Variants in FER1L6 observed in about 807,000 individuals in gnomAD.
FER1L6 encodes fer-1-like protein 6.
FER1L6 carries 177 observed loss-of-function variants against 219.2 expected under a neutral mutation model. The observed-to-expected ratio is 0.81, with a 90% CI of 0.71 to 0.91. The LOEUF is 0.91. Ranked by LOEUF, FER1L6 falls within the 40% of genes least tolerant of loss-of-function variation. The probability of loss-of-function intolerance (pLI) is 0.00; values close to 1 mark genes in which losing one functional copy is unlikely to be tolerated. For synonymous variants in FER1L6, 768 were observed against 824.3 expected (o/e 0.93, Z 1.17); for missense variants, 2,153 against 2,259.9 (o/e 0.95, Z 0.96).
At position 124,064,409 on chromosome 8, in the gene FER1L6, CCAG is replaced by C; in HGVS notation, c.3395_3397del (p.Ala1132del). On this transcript the variant is annotated inframe_deletion, in exon 26 of 41. Coordinates refer to ENST00000522917, the MANE Select transcript of FER1L6 (RefSeq NM_001039112.2). ...AGCCCACAGCTCCTCCCAGGATCCC[CCAG>C]CAGATCACATTTATGTGGATGTTGA... The C allele has an allele frequency of 1.2e-6, 2 of 1,613,674 alleles. No individual in the cohort carries two copies. Among genetic ancestry groups the C allele is most frequent in the South Asian group, 2.2e-5 (2 of 90,960 alleles).
At chr8:124,093,175 C>T (rs1171684810) in intron 34 of FER1L6, among the ~76,000 whole-genome samples, 1 of 151,992 alleles carries the variant, frequency 6.6e-6, no homozygotes, top group Non-Finnish European at 1.5e-5. Flanking sequence ...ATCACGAGAA[C>T]AGCACTAGGG....
At chr8:124,044,446 T>C (rs1819634633) in intron 20 of FER1L6, among the ~76,000 whole-genome samples, 1 of 152,200 alleles carries the variant, frequency 6.6e-6, no homozygotes, top group Non-Finnish European at 1.5e-5. Context: ...AATAAAAATA[T>C]TCCTTTGTGA....
At chr8:123,992,427 T>C (rs977001279) in intron 12 of FER1L6, among the ~76,000 whole-genome samples, 2 of 152,202 alleles carry the variant, frequency 1.3e-5, no homozygotes, top group Non-Finnish European at 2.9e-5. Flanking sequence ...CCTTTCTTAA[T>C]CTAGGAATGT....
chr8:123,975,525 A>G (rs921754351), intron 8 of FER1L6, among the ~76,000 whole-genome samples: 4 of 152,138 alleles, frequency 2.6e-5, no homozygotes, highest in East Asian at 1.9e-4. Flanking sequence ...CTGTCTTCCT[A>G]TAATAACCCA....
At chr8:123,941,129 A>G (rs1016871559) in intron 1 of FER1L6, among the ~76,000 whole-genome samples, 18 of 152,230 alleles carry the variant, frequency 1.2e-4, no homozygotes, top group African/African-American at 4.1e-4. Flanking sequence ...AACCAACTCA[A>G]GCCCTAATGA....
At chr8:124,013,794 G>A (rs1818057276) in intron 15 of FER1L6, 1 of 240,948 alleles carries the variant, frequency 4.2e-6, no homozygotes, top group Non-Finnish European at 8.1e-6. Context: ...CAAGAAAAAT[G>A]CTAGTAGTGT....
chr8:123,872,413 C>T (rs920753191), intron 1 of FER1L6, among the ~76,000 whole-genome samples: 1 of 152,120 alleles, frequency 6.6e-6, no homozygotes, highest in Non-Finnish European at 1.5e-5. Context: ...CGAAGGTCAT[C>T]AAAAACGAAG....
intron 1 of FER1L6, among the ~76,000 whole-genome samples, chr8:123,866,852 C>G (rs1399582238): frequency 6.6e-6 from 1 of 152,184 alleles, no homozygotes; most frequent in Admixed American, 6.5e-5. Context: ...CTCCTGGCCT[C>G]TAGCACTCCT....
chr8:124,025,229 T>G (rs1818653244), intron 18 of FER1L6, among the ~76,000 whole-genome samples: 1 of 152,006 alleles, frequency 6.6e-6, no homozygotes, highest in East Asian at 1.9e-4. Flanking sequence ...TTTGTTGCAT[T>G]TGTTTTTGGT....
chr8:124,082,206 GGCTA>G, intron 32 of FER1L6, 78 bp from the exon 33 acceptor site: 2 of 1,070,882 alleles, frequency 1.9e-6, no homozygotes. Context: ...ATGAATAGCG[GGCTA>G]GCTAAAAGTG....
At chr8:123,951,500 G>A (rs371383177) in intron 1 of FER1L6, among the ~76,000 whole-genome samples, 21 of 152,204 alleles carry the variant, frequency 1.4e-4, no homozygotes, top group East Asian at 9.6e-4. Flanking sequence ...GTGGTTTGCC[G>A]TTAATGAATA....
rs534823265 is a variant in FER1L6 at position 123,940,530 on chromosome 8, G to A, written c.-7-15462G>A. Among the ~76,000 whole-genome samples, 37 of 152,202 alleles carry A rather than the reference G, an allele frequency of 2.4e-4. 1 individual carries two copies. In the South Asian group the frequency reaches 7.3e-3, roughly 30 times the overall value. On this transcript the variant is annotated intron_variant, in intron 1 of 40. Coordinates refer to ENST00000522917, the MANE Select transcript of FER1L6 (RefSeq NM_001039112.2). ...TTTTTGTATTTTTAGTAGAGACGGG[G>A]TTTTGCCATGTTGGCCAGGCTGGTC...
At chr8:123,977,749 A>T in intron 10 of FER1L6, 140 bp downstream of exon 10, 1 of 738,800 alleles carries the variant, frequency 1.4e-6, no homozygotes, top group Non-Finnish European at 2.2e-6. Context: ...CTATTTTTCC[A>T]TGAATGGGTT....
chr8:123,878,074 C>T (rs375798769), intron 1 of FER1L6, among the ~76,000 whole-genome samples: 3 of 152,020 alleles, frequency 2.0e-5, no homozygotes, highest in African/African-American at 4.8e-5. Context: ...GTTAAGTCAT[C>T]GTGTGTCACT....
intron 12 of FER1L6, among the ~76,000 whole-genome samples, chr8:123,995,570 G>T (rs1817093706): frequency 6.6e-6 from 1 of 151,072 alleles, no homozygotes; most frequent in African/African-American, 2.4e-5. Context: ...TTTTTTTTTA[G>T]TCTGGCTACA....
At chr8:123,879,418 C>T (rs13282068) in intron 1 of FER1L6, among the ~76,000 whole-genome samples, 117,657 of 151,810 alleles carry the variant, frequency 0.78, 45,733 homozygotes, top group South Asian at 0.86. Context: ...GCTCTGCCTC[C>T]CAGGTTCAAG....
chr8:123,888,143 G>A (rs145961061), intron 1 of FER1L6, among the ~76,000 whole-genome samples: 1,623 of 151,480 alleles, frequency 0.011, 23 homozygotes, highest in African/African-American at 0.037. Context: ...TTGAGACAGA[G>A]TCTCACTCTG....
At chr8:123,927,282 C>T (rs1292044913) in intron 1 of FER1L6, among the ~76,000 whole-genome samples, 2 of 152,036 alleles carry the variant, frequency 1.3e-5, no homozygotes, top group Admixed American at 6.5e-5. Flanking sequence ...TATTCAAACT[C>T]GTGATTTGGC....
At chr8:124,029,763 G>C (rs1818877640) in intron 18 of FER1L6, among the ~76,000 whole-genome samples, 1 of 152,126 alleles carries the variant, frequency 6.6e-6, no homozygotes, top group Admixed American at 6.6e-5. Flanking sequence ...AAGCTCTTTA[G>C]TTTAATTAGA....
Sources: allele counts gnomAD v4.1 joint callset (sites outside exome capture counted in the v4.1 genomes callset), GRCh38; gene constraint gnomAD v4.1.1; transcripts MANE v1.5; gene names NCBI Gene and HGNC (gene_info 2026-07-23, HGNC 2026-07-21).